SHC4: variants seen among roughly 807,000 people sequenced by gnomAD.
The protein encoded by SHC4 is SHC adaptor protein 4, also known as SHC-transforming protein 4.
In SHC4, 41 loss-of-function variants were observed where a neutral mutation model predicts 69.4. The observed-to-expected ratio is 0.59, with a 90% confidence interval of 0.46 to 0.77. SHC4 has a LOEUF of 0.77. Ranked by LOEUF, SHC4 falls within the 30% of genes least tolerant of loss-of-function variation. The pLI is 0.00. For synonymous variants in SHC4, 318 were observed against 299.3 expected (o/e 1.06, Z -0.64); for missense variants, 777 against 783.8 (o/e 0.99, Z 0.10).
chr15:48,944,908 G>T (rs914140227), intron 1 of SHC4, among the ~76,000 whole-genome samples: 2 of 152,166 alleles, frequency 1.3e-5, no homozygotes, highest in African/African-American at 4.8e-5. Flanking sequence ...CTTACTGAAA[G>T]TATTATACCT....
chr15:48,959,496 G>A (rs1196452611), intron 1 of SHC4, among the ~76,000 whole-genome samples: 3 of 152,176 alleles, frequency 2.0e-5, no homozygotes, highest in Non-Finnish European at 1.5e-5. Context: ...TAGCAAATAA[G>A]TTGGGGCAGG....
intron 1 of SHC4, among the ~76,000 whole-genome samples, chr15:48,959,530 G>T (rs964169090): frequency 1.3e-5 from 2 of 152,178 alleles, no homozygotes; most frequent in Non-Finnish European, 2.9e-5. Flanking sequence ...ACATGATATG[G>T]ATAAGAAGGT....
rs148493944 is a variant in SHC4 at position 48,892,335 on chromosome 15, A to T, written c.657-1524T>A. Among the ~76,000 whole-genome samples the T allele has an allele frequency of 2.5e-3, 388 of 152,282 alleles. 1 individual carries two copies. Among genetic ancestry groups the T allele is most frequent in the African/African-American group, 9.2e-3 (381 of 41,570 alleles). On this transcript the variant is annotated intron_variant, in intron 2 of 11. Transcript: ENST00000332408. ...TATAAATGAAACTCTTCTTCAAGGT[A>T]TTATCTTGTCTGATTTTTGCATAAT...
intron 1 of SHC4, among the ~76,000 whole-genome samples, chr15:48,955,465 G>T (rs1001315268): frequency 2.0e-5 from 3 of 152,136 alleles, no homozygotes; most frequent in Admixed American, 6.5e-5. Flanking sequence ...TATGAACATG[G>T]AAATGAGAGG....
chr15:48,830,801 C>T (rs1242195395), intron 11 of SHC4, among the ~76,000 whole-genome samples: 1 of 152,146 alleles, frequency 6.6e-6, no homozygotes, highest in African/African-American at 2.4e-5. Flanking sequence ...GCAAGCAAAC[C>T]GCCAAGGTCA....
chr15:48,835,065 T>G, intron 10 of SHC4, 43 bp from the exon 11 acceptor site: 1 of 1,561,540 alleles, frequency 6.4e-7, no homozygotes, highest in Non-Finnish European at 8.7e-7. Context: ...AGTTACCTCT[T>G]CATCCATCCA....
intron 5 of SHC4, among the ~76,000 whole-genome samples, chr15:48,869,229 A>G (rs1899619917): frequency 6.6e-6 from 1 of 152,262 alleles, no homozygotes; most frequent in Admixed American, 6.5e-5. Context: ...ATATAGTTAT[A>G]GAGGCATTAC....
intron 9 of SHC4, among the ~76,000 whole-genome samples, chr15:48,844,468 G>A (rs1899051372): frequency 6.6e-6 from 1 of 151,978 alleles, no homozygotes; most frequent in Admixed American, 6.6e-5. Flanking sequence ...CACATCGAAA[G>A]GCTGTCTCCT....
intron 2 of SHC4, among the ~76,000 whole-genome samples, chr15:48,915,963 T>C (rs939759024): frequency 6.6e-6 from 1 of 152,204 alleles, no homozygotes; most frequent in African/African-American, 2.4e-5. Context: ...GCTGCAATCC[T>C]ATTCCTAACT....
chr15:48,840,052 T>C (rs762470979), intron 10 of SHC4, among the ~76,000 whole-genome samples: 16 of 152,206 alleles, frequency 1.1e-4, no homozygotes, highest in African/African-American at 1.7e-4. Context: ...TATGTGCTCC[T>C]CTTGCTTTTC....
intron 2 of SHC4, among the ~76,000 whole-genome samples, chr15:48,917,004 G>A (rs978536329): frequency 3.9e-5 from 6 of 152,174 alleles, no homozygotes; most frequent in Non-Finnish European, 2.9e-5. Flanking sequence ...CAATTTCCTT[G>A]GGTATCAAAA....
chr15:48,900,247 C>T (rs575215853), intron 2 of SHC4, among the ~76,000 whole-genome samples: 1 of 152,208 alleles, frequency 6.6e-6, no homozygotes, highest in East Asian at 1.9e-4. Flanking sequence ...GTGGCTCACA[C>T]CTGTAATCCC....
At chr15:48,907,681 T>C (rs568291379) in intron 2 of SHC4, among the ~76,000 whole-genome samples, 2 of 152,170 alleles carry the variant, frequency 1.3e-5, no homozygotes, top group South Asian at 4.1e-4. Flanking sequence ...ATTCCTGAGT[T>C]ACTTCACTTA....
intron 6 of SHC4, among the ~76,000 whole-genome samples, chr15:48,858,448 AC>A (rs1899375280): frequency 1.3e-5 from 2 of 152,192 alleles, no homozygotes; most frequent in Admixed American, 6.5e-5. Flanking sequence ...AGGTGTCATT[AC>A]CAGAAGATAT....
At chr15:48,958,629 A>G (rs1901491421) in intron 1 of SHC4, among the ~76,000 whole-genome samples, 1 of 152,232 alleles carries the variant, frequency 6.6e-6, no homozygotes, top group Non-Finnish European at 1.5e-5. Flanking sequence ...TTCATTAAAT[A>G]CTGGTGCTGC....
Position 48,963,064 on chromosome 15 carries a change from G to C in SHC4, c.-49C>G. ...ATACTGTTGCATAAATCGCCTCGTC[G>C]TCTGGTAGATAAACGGTGCAGACAT... On this transcript the variant is annotated 5_prime_UTR_variant, in exon 1 of 12. Transcript: ENST00000332408. 6.5e-7 allele frequency: 1 copy of C among 1,538,274 alleles called. No individual in the cohort carries two copies. Among genetic ancestry groups the C allele is most frequent in the Non-Finnish European group, 8.8e-7 (1 of 1,138,402 alleles).
intron 10 of SHC4, among the ~76,000 whole-genome samples, chr15:48,840,763 T>C (rs184937444): frequency 8.4e-4 from 128 of 152,322 alleles, no homozygotes; most frequent in African/African-American, 3.0e-3. Flanking sequence ...GTTGGATTTA[T>C]TTTGGAGGGA....
intron 1 of SHC4, among the ~76,000 whole-genome samples, chr15:48,955,081 G>C (rs1301845599): frequency 6.6e-6 from 1 of 152,138 alleles, no homozygotes; most frequent in African/African-American, 2.4e-5. Flanking sequence ...TCCATGAGTT[G>C]AGAAGGCAGG....
At chr15:48,933,153 G>C (rs1011829350) in intron 1 of SHC4, among the ~76,000 whole-genome samples, 3 of 152,058 alleles carry the variant, frequency 2.0e-5, no homozygotes, top group Non-Finnish European at 4.4e-5. Context: ...CCTACAAAAA[G>C]AACAAGGCCC....
Sources: allele counts gnomAD v4.1 joint callset (sites outside exome capture counted in the v4.1 genomes callset), GRCh38; gene constraint gnomAD v4.1.1; transcripts MANE v1.5; gene names NCBI Gene and HGNC (gene_info 2026-07-23, HGNC 2026-07-21).